Variants in KCNQ3 observed in about 807,000 individuals in gnomAD.
KCNQ3 encodes potassium voltage-gated channel subfamily KQT member 3.
KCNQ3 carries 30 observed loss-of-function variants against 92.5 expected under a neutral mutation model. The observed-to-expected ratio is 0.32, with a 90% confidence interval of 0.24 to 0.44. KCNQ3 has a LOEUF of 0.44. KCNQ3 is among the 20% of genes least tolerant of loss of function. KCNQ3 has a pLI of 1.00. For synonymous variants in KCNQ3, 450 were observed against 468.8 expected (o/e 0.96, Z 0.52); for missense variants, 913 against 1,140.3 (o/e 0.80, Z 2.87).
intron 1 of KCNQ3, among the ~76,000 whole-genome samples, chr8:132,464,721 G>T (rs569574524): frequency 6.6e-6 from 1 of 152,314 alleles, no homozygotes; most frequent in East Asian, 1.9e-4. Flanking sequence ...TTTAAACAGT[G>T]TTGACAACTT....
chr8:132,294,450 G>GA (rs915306795), intron 1 of KCNQ3, among the ~76,000 whole-genome samples: 2 of 152,160 alleles, frequency 1.3e-5, no homozygotes, highest in African/African-American at 4.8e-5. Context: ...AAGAGAGAAA[G>GA]AAAATCTGAG....
At chr8:132,240,164 T>TCA (rs1814941850) in intron 1 of KCNQ3, among the ~76,000 whole-genome samples, 2 of 150,492 alleles carry the variant, frequency 1.3e-5, no homozygotes, top group Admixed American at 1.3e-4. Context: ...GGCATATCCA[T>TCA]AGGCCTGTGC....
chr8:132,408,549 G>A (rs796791782), intron 1 of KCNQ3, among the ~76,000 whole-genome samples: 3 of 152,322 alleles, frequency 2.0e-5, no homozygotes, highest in African/African-American at 7.2e-5. Flanking sequence ...TCCCATGAAA[G>A]TGAGCAAGAC....
chr8:132,146,432 G>T (rs988096633), intron 9 of KCNQ3, among the ~76,000 whole-genome samples: 1 of 152,176 alleles, frequency 6.6e-6, no homozygotes, highest in East Asian at 1.9e-4. Flanking sequence ...ATCAAGTGTG[G>T]TCAAGCTCAT....
chr8:132,472,304 G>C (rs1235420114), intron 1 of KCNQ3, among the ~76,000 whole-genome samples: 2 of 152,130 alleles, frequency 1.3e-5, no homozygotes, highest in Non-Finnish European at 2.9e-5. Context: ...AGAAATACCT[G>C]CACTCTCATG....
intron 1 of KCNQ3, among the ~76,000 whole-genome samples, chr8:132,453,484 T>C (rs140481766): frequency 2.8e-3 from 421 of 152,190 alleles, no homozygotes; most frequent in African/African-American, 9.7e-3. Context: ...ACTCTGTGTA[T>C]CTTCGGCTGT....
chr8:132,342,309 CT>C (rs1563869097), intron 1 of KCNQ3, among the ~76,000 whole-genome samples: 1 of 146,340 alleles, frequency 6.8e-6, no homozygotes, highest in African/African-American at 2.7e-5. Flanking sequence ...CCATTGATTT[CT>C]TTTTTCTTTT....
In KCNQ3 at chr8:132,390,369, G is replaced by A. The variant is rs1323199122; in HGVS notation, c.386+89778C>T. ...GCAGCACCTCCCAAGTACTGGCAATGGTCTTGCTCCTGGTGGTGACACAGT... is the reference window on the plus strand; with the variant it reads ...GCAGCACCTCCCAAGTACTGGCAATAGTCTTGCTCCTGGTGGTGACACAGT... On this transcript the variant is annotated intron_variant, in intron 1 of 14. Coordinates refer to ENST00000388996, the MANE Select transcript of KCNQ3 (RefSeq NM_004519.4). Among the ~76,000 whole-genome samples the A allele has an allele frequency of 4.6e-5, 7 of 152,156 alleles. No individual in the cohort carries two copies. The East Asian group carries it at 1.2e-3, about 25-fold the overall frequency.
At chr8:132,409,337 A>G (rs1010752241) in intron 1 of KCNQ3, among the ~76,000 whole-genome samples, 7 of 152,184 alleles carry the variant, frequency 4.6e-5, no homozygotes, top group African/African-American at 1.7e-4. Flanking sequence ...AAGGTGACAC[A>G]GATACAGTTC....
chr8:132,391,190 C>T (rs1336480981), intron 1 of KCNQ3, among the ~76,000 whole-genome samples: 1 of 152,112 alleles, frequency 6.6e-6, no homozygotes, highest in East Asian at 1.9e-4. Flanking sequence ...CTAATGGGCA[C>T]AATGCTATTT....
At chr8:132,363,488 A>G (rs1388009133) in intron 1 of KCNQ3, among the ~76,000 whole-genome samples, 1 of 152,096 alleles carries the variant, frequency 6.6e-6, no homozygotes, top group Non-Finnish European at 1.5e-5. Context: ...AGTGGGCCTT[A>G]TACAGATTTA....
At position 132,141,159 on chromosome 8, in the gene KCNQ3, T is replaced by TCATGCGGAAGGC; in HGVS notation, c.1423_1434dup (p.Ala475_Met478dup). 1 of 1,614,190 alleles carries TCATGCGGAAGGC rather than the reference T, an allele frequency of 6.2e-7. No individual in the cohort carries two copies. The highest frequency in any genetic ancestry group is 8.5e-7 in the Non-Finnish European group (1 of 1,180,024). On this transcript the variant is annotated inframe_insertion, in exon 10 of 15. Transcript: ENST00000388996. ...GAACTCTGCCAGAAAGCGTAGGCTT[T>TCATGCGGAAGGC]CATGCGGAAGGCCGTGCGGAAACGC...
chr8:132,315,166 T>G (rs1817705046), intron 1 of KCNQ3, among the ~76,000 whole-genome samples: 1 of 152,016 alleles, frequency 6.6e-6, no homozygotes, highest in African/African-American at 2.4e-5. Context: ...TTGAATATAT[T>G]TAGGAGGCTG....
intron 1 of KCNQ3, among the ~76,000 whole-genome samples, chr8:132,340,040 G>C (rs1162911015): frequency 1.3e-5 from 2 of 151,794 alleles, no homozygotes; most frequent in East Asian, 3.9e-4. Context: ...TTAGAGAAAT[G>C]CAAATCAAAA....
chr8:132,438,082 G>T (rs1054127428), intron 1 of KCNQ3, among the ~76,000 whole-genome samples: 1 of 152,198 alleles, frequency 6.6e-6, no homozygotes, highest in African/African-American at 2.4e-5. Flanking sequence ...AACTGAGATG[G>T]TGCCACATAA....
intron 1 of KCNQ3, among the ~76,000 whole-genome samples, chr8:132,441,736 C>A (rs930761027): frequency 4.6e-5 from 7 of 152,166 alleles, no homozygotes; most frequent in Non-Finnish European, 1.0e-4. Flanking sequence ...TAAACTCACA[C>A]CAGCAGTGTA....
At chr8:132,211,974 TTTTAAC>T (rs1813875752) in intron 1 of KCNQ3, among the ~76,000 whole-genome samples, 1 of 148,684 alleles carries the variant, frequency 6.7e-6, no homozygotes, top group Non-Finnish European at 1.5e-5. Flanking sequence ...AAAAAAAAAC[TTTTAAC>T]AAGGTTATGT....
intron 1 of KCNQ3, among the ~76,000 whole-genome samples, chr8:132,392,139 G>A (rs144428395): frequency 7.9e-5 from 12 of 152,238 alleles, no homozygotes; most frequent in African/African-American, 4.8e-5. Flanking sequence ...TGGTTACGAC[G>A]TAATTCCTCT....
intron 1 of KCNQ3, among the ~76,000 whole-genome samples, chr8:132,267,601 C>T (rs1056640274): frequency 6.6e-6 from 1 of 152,156 alleles, no homozygotes; most frequent in African/African-American, 2.4e-5. Context: ...TCATACATAA[C>T]TACTTATCAA....
Sources: allele counts gnomAD v4.1 joint callset (sites outside exome capture counted in the v4.1 genomes callset), GRCh38; gene constraint gnomAD v4.1.1; transcripts MANE v1.5; gene names NCBI Gene and HGNC (gene_info 2026-07-23, HGNC 2026-07-21).